Variants in PI4K2B observed in about 807,000 individuals in gnomAD.
PI4K2B encodes the protein phosphatidylinositol 4-kinase type 2 beta, also known as phosphatidylinositol 4-kinase type 2-beta.
In PI4K2B, 46 loss-of-function variants were observed where a neutral mutation model predicts 56.6. The ratio of observed to expected loss-of-function variants is 0.81; its 90% CI spans 0.64 to 1.04. PI4K2B has a LOEUF of 1.04. Ranked by LOEUF, PI4K2B falls within the 50% of genes least tolerant of loss-of-function variation. The pLI is 0.00. For missense variants in PI4K2B, 556 were observed against 607.7 expected (o/e 0.91, Z 0.89); for synonymous variants, 211 against 223.8 (o/e 0.94, Z 0.51).
intron 9 of PI4K2B, among the ~76,000 whole-genome samples, chr4:25,273,599 T>C (rs1400674436): frequency 6.6e-6 from 1 of 152,168 alleles, no homozygotes; most frequent in African/African-American, 2.4e-5. Context: ...ATCTGTGAAA[T>C]AAGGGCGCCT....
At chr4:25,276,856 C>G in intron 9 of PI4K2B, 158 bp from the exon 10 acceptor site, 1 of 984,634 alleles carries the variant, frequency 1.0e-6, no homozygotes, top group Non-Finnish European at 1.2e-6. Flanking sequence ...AACATACATT[C>G]ATATAATACA....
At chr4:25,237,476 G>A (rs1031082683) in intron 1 of PI4K2B, among the ~76,000 whole-genome samples, 4 of 152,132 alleles carry the variant, frequency 2.6e-5, no homozygotes, top group Non-Finnish European at 5.9e-5. Flanking sequence ...CCAGGTTCAA[G>A]CGATTCTCCT....
intron 1 of PI4K2B, among the ~76,000 whole-genome samples, chr4:25,240,879 C>G (rs1008350225): frequency 1.3e-5 from 2 of 152,064 alleles, no homozygotes; most frequent in East Asian, 3.9e-4. Context: ...GTCTCCTTCT[C>G]TTTGTCTCTC....
At position 25,256,724 on chromosome 4, in the gene PI4K2B, C is replaced by G. The variant is rs1210303768; in HGVS notation, c.756+50C>G. 1.9e-6 allele frequency: 3 copies of G among 1,554,856 alleles called. No individual in the cohort carries two copies. The East Asian group carries it at 6.8e-5, about 35-fold the overall frequency. ...TTAGAGGGCATTTGGGCACATACATCCTGAGCTCTAGGAGCCAGGCATTGT... is the reference window on the plus strand; with the variant it reads ...TTAGAGGGCATTTGGGCACATACATGCTGAGCTCTAGGAGCCAGGCATTGT... On this transcript the variant is annotated intron_variant, in intron 4 of 9. Coordinates refer to ENST00000264864, the MANE Select transcript of PI4K2B (RefSeq NM_018323.4).
At chr4:25,273,854 C>T (rs1717002213) in intron 9 of PI4K2B, among the ~76,000 whole-genome samples, 1 of 152,244 alleles carries the variant, frequency 6.6e-6, no homozygotes. Flanking sequence ...CACAGTCGGG[C>T]TCCAAACAGT....
intron 5 of PI4K2B, among the ~76,000 whole-genome samples, 162 bp from the exon 6 acceptor site, chr4:25,260,360 GTT>G (rs1220872114): frequency 7.3e-6 from 1 of 136,926 alleles, no homozygotes. Flanking sequence ...ATTTATGTTT[GTT>G]TTTTTTTTTT....
intron 9 of PI4K2B, among the ~76,000 whole-genome samples, chr4:25,272,726 C>T (rs547879660): frequency 6.6e-5 from 10 of 152,040 alleles, no homozygotes; most frequent in Non-Finnish European, 1.2e-4. Flanking sequence ...TTGGGCCAGG[C>T]GTGTTGGCTC....
chr4:25,245,767 G>C (rs764431570), intron 1 of PI4K2B, among the ~76,000 whole-genome samples: 1 of 152,162 alleles, frequency 6.6e-6, no homozygotes, highest in African/African-American at 2.4e-5. Context: ...TCACTGCTCA[G>C]CGATAGGCGA....
At chr4:25,254,264 A>G (rs1716171408) in intron 2 of PI4K2B, 1 of 192,432 alleles carries the variant, frequency 5.2e-6, no homozygotes, top group Non-Finnish European at 9.5e-6. Flanking sequence ...TGCAGCCCTA[A>G]CAAACCAAGT....
At chr4:25,246,064 G>A (rs1419817094) in intron 1 of PI4K2B, among the ~76,000 whole-genome samples, 1 of 152,138 alleles carries the variant, frequency 6.6e-6, no homozygotes, top group Non-Finnish European at 1.5e-5. Context: ...TTCTTCTGGT[G>A]GGTTCGTGGT....
intron 1 of PI4K2B, among the ~76,000 whole-genome samples, chr4:25,249,983 C>T (rs1390070731): frequency 3.3e-5 from 5 of 152,200 alleles, no homozygotes; most frequent in African/African-American, 9.6e-5. Context: ...CTCGGGAGGC[C>T]GAGGCTGGCA....
intron 4 of PI4K2B, 127 bp downstream of exon 4, chr4:25,256,801 T>A: frequency 1.2e-6 from 1 of 847,504 alleles, no homozygotes; most frequent in African/African-American, 1.7e-5. Context: ...CAGGAGCTTA[T>A]AGTAAACAGG....
At chr4:25,254,656 G>A (rs528940539) in intron 2 of PI4K2B, among the ~76,000 whole-genome samples, 2 of 152,022 alleles carry the variant, frequency 1.3e-5, no homozygotes, top group South Asian at 2.1e-4. Context: ...CTCATGATCC[G>A]CCCGCCTCGG....
chr4:25,267,222 G>T (rs1187705448), intron 7 of PI4K2B, among the ~76,000 whole-genome samples: 1 of 152,226 alleles, frequency 6.6e-6, no homozygotes, highest in East Asian at 1.9e-4. Flanking sequence ...AGTACTAGAA[G>T]TTGAGTGTTG....
At chr4:25,260,475 A>G (rs760357561) in intron 5 of PI4K2B, 49 bp from the exon 6 acceptor site, 7 of 755,504 alleles carry the variant, frequency 9.3e-6, no homozygotes, top group South Asian at 8.6e-5. Context: ...ATATTAAGCC[A>G]TGATGTCCAT....
At chr4:25,236,821 T>C (rs1416821829) in intron 1 of PI4K2B, among the ~76,000 whole-genome samples, 1 of 152,222 alleles carries the variant, frequency 6.6e-6, no homozygotes, top group African/African-American at 2.4e-5. Context: ...TGGAGGTTTT[T>C]ACCTTTAATA....
At position 25,277,989 on chromosome 4, in the gene PI4K2B, T is replaced by G. The variant is rs1200855442; in HGVS notation, c.*802T>G. 6.6e-6 allele frequency: 1 copy of G among 152,198 alleles called. No individual in the cohort carries two copies. Among genetic ancestry groups the G allele is most frequent in the Non-Finnish European group, 1.5e-5 (1 of 68,014 alleles). The allele number at this position is 152,198 out of a possible 1,614,324, so 9.4% of individuals were successfully genotyped here. On this transcript the variant is annotated 3_prime_UTR_variant, in exon 10 of 10. Coordinates refer to ENST00000264864, the MANE Select transcript of PI4K2B (RefSeq NM_018323.4). ...GATTAGTACTTCAGAGTACTGGCCT[T>G]GTTCAATTTAGTACTTCAATTAGTA...
chr4:25,269,576 T>A (rs1246636961), intron 9 of PI4K2B, among the ~76,000 whole-genome samples: 1 of 150,522 alleles, frequency 6.6e-6, no homozygotes, highest in African/African-American at 2.4e-5. Flanking sequence ...GAGGCAGAGG[T>A]TGCAGTGAGC....
rs2109096548 is a variant in PI4K2B, at chr4:25,252,327, T to C, written c.275T>C (p.Ile92Thr). Residue 92 changes from isoleucine (I) to threonine (T), a missense_variant, in exon 2 of 10, where the codon ATT becomes ACT. Transcript: ENST00000264864. ...GTATTTCTTCTTAATGCAGTAACTATTGGTACTTCAGAGATGAATGCATTC... is the reference window on the plus strand; with the variant it reads ...GTATTTCTTCTTAATGCAGTAACTACTGGTACTTCAGAGATGAATGCATTC... The part of the protein sequence containing the change: ...DRSRPAVSVT[I>T]GTSEMNAFLD... 6.2e-7 allele frequency: 1 copy of C among 1,609,224 alleles called. No homozygotes were observed. The highest frequency in any genetic ancestry group is 8.5e-7 in the Non-Finnish European group (1 of 1,175,788).
Sources: gnomAD v4.1 joint callset for allele counts (sites outside exome capture counted in the v4.1 genomes callset) on GRCh38, gnomAD v4.1.1 for gene constraint, MANE v1.5 for transcripts, NCBI Gene and HGNC (gene_info 2026-07-23, HGNC 2026-07-21) for gene names.